Variants in WDFY3 observed in about 807,000 individuals in gnomAD.
WDFY3 encodes the protein WD repeat and FYVE domain-containing protein 3.
A neutral mutation model predicts 409.6 loss-of-function variants in WDFY3; 66 were observed. The observed-to-expected ratio is 0.16, with a 90% CI of 0.13 to 0.20. WDFY3 has a LOEUF of 0.20. Ranked by LOEUF, WDFY3 falls within the 10% of genes least tolerant of loss-of-function variation. The pLI is 1.00. For missense variants in WDFY3, 3,031 were observed against 4,298.1 expected (o/e 0.71, Z 8.24); for synonymous variants, 1,521 against 1,537.1 (o/e 0.99, Z 0.25).
Position 84,778,673 on chromosome 4 carries a change from C to A in WDFY3, c.4366-18G>T. 6.3e-7 allele frequency: 1 copy of A among 1,598,094 alleles called. No homozygotes were observed. The highest frequency in any genetic ancestry group is 1.1e-5 in the South Asian group (1 of 87,898). On this transcript the variant is annotated intron_variant, in intron 26 of 67. Transcript: ENST00000295888. The stretch of plus-strand genomic sequence containing the variant: ...GCCAGCAACTACAAGAAAGTAATAC[C>A]AAATGCCTGTTGATAAATCATCATA...
intron 65 of WDFY3, 67 bp from the exon 66 acceptor site, chr4:84,678,346 T>C: frequency 8.4e-7 from 1 of 1,192,048 alleles, no homozygotes; most frequent in South Asian, 1.2e-5. Context: ...GGAGAACTAC[T>C]CTAAGATGGT....
chr4:84,724,851 G>A (rs1251325574), intron 45 of WDFY3, among the ~76,000 whole-genome samples: 4 of 152,112 alleles, frequency 2.6e-5, no homozygotes, highest in Non-Finnish European at 5.9e-5. Flanking sequence ...GCCAAAAAAT[G>A]TTTCTGTGTT....
Position 84,766,358 on chromosome 4 carries a change from A to G in WDFY3, c.4864T>C (p.Phe1622Leu). The stretch of plus-strand genomic sequence containing the variant: ...AGATTAGCTGATACAAGACCTCCAA[A>G]CTCCTCTTCAGTTCCTAAAATAAAA... ...EKLDTGTEEE[F>L]GGLVSANLIL... Residue 1622 changes from phenylalanine (F) to leucine (L), a missense_variant, in exon 31 of 68, where the codon TTT (phenylalanine) becomes CTT (leucine). This residue lies in a region of WDFY3 where 342 missense variants were observed against 463.7 expected (regional missense o/e 0.74). Coordinates refer to ENST00000295888, the MANE Select transcript of WDFY3 (RefSeq NM_014991.6). 1.3e-6 allele frequency: 2 copies of G among 1,591,292 alleles called. No individual in the cohort carries two copies. Among genetic ancestry groups the G allele is most frequent in the Admixed American group, 1.9e-5 (1 of 52,754 alleles).
rs974464351 is a variant in WDFY3 at position 84,672,687 on chromosome 4, G to A, written c.*181C>T. On this transcript the variant is annotated 3_prime_UTR_variant, in exon 68 of 68. Coordinates refer to ENST00000295888, the MANE Select transcript of WDFY3 (RefSeq NM_014991.6). ...TTCTTGTGCTGTTCACCTGAATCGCGTCTGCCCCATTCCTGTACTCTACAC... is the reference window on the plus strand; with the variant it reads ...TTCTTGTGCTGTTCACCTGAATCGCATCTGCCCCATTCCTGTACTCTACAC... 2.2e-5 allele frequency: 17 copies of A among 762,442 alleles called. No homozygotes were observed. The highest frequency in any genetic ancestry group is 1.1e-4 in the African/African-American group (6 of 56,916). The allele number at this position is 762,442 out of a possible 1,614,324, so 47.2% of individuals were successfully genotyped here.
intron 54 of WDFY3, among the ~76,000 whole-genome samples, chr4:84,704,754 A>G (rs952798025): frequency 6.6e-6 from 1 of 152,176 alleles, no homozygotes; most frequent in South Asian, 2.1e-4. Context: ...AAAGCAGGAT[A>G]TTGACTTATA....
intron 67 of WDFY3, among the ~76,000 whole-genome samples, chr4:84,674,050 C>T (rs922303311): frequency 6.6e-5 from 10 of 152,328 alleles, no homozygotes; most frequent in Non-Finnish European, 8.8e-5. Flanking sequence ...GTCAACAGCT[C>T]TCAGCCATAG....
In WDFY3 at chr4:84,761,621, T is replaced by G. The variant is rs374314469; in HGVS notation, c.5188+4189A>C. On this transcript the variant is annotated intron_variant, in intron 32 of 67. Coordinates refer to ENST00000295888, the MANE Select transcript of WDFY3 (RefSeq NM_014991.6). ...GCCAAAATTGACAAATGGGATCTAA[T>G]TAAACTAAAGAGCTTCTGCACAGCA... Among the ~76,000 whole-genome samples, 35 of 152,238 alleles carry G rather than the reference T, an allele frequency of 2.3e-4. No homozygotes were observed. The East Asian group carries it at 3.1e-3, about 13-fold the overall frequency.
intron 2 of WDFY3, among the ~76,000 whole-genome samples, chr4:84,898,323 C>T (rs1369423050): frequency 2.0e-5 from 3 of 152,118 alleles, no homozygotes; most frequent in Non-Finnish European, 4.4e-5. Flanking sequence ...AGAGAGATGA[C>T]CTATGACTTT....
chr4:84,694,922 T>A (rs1389756215), intron 58 of WDFY3, among the ~76,000 whole-genome samples: 1 of 152,140 alleles, frequency 6.6e-6, no homozygotes, highest in Non-Finnish European at 1.5e-5. Context: ...GATGAGCCAT[T>A]GTTTTGTGTG....
At position 84,964,730 on chromosome 4, in the gene WDFY3, C is replaced by T. The variant is rs1775410879; in HGVS notation, c.-226+1479G>A. On this transcript the variant is annotated intron_variant, in intron 1 of 67. Transcript: ENST00000295888. ...CAAAAATTGTTTTCTCTTTGTTGCCCAGGCTGGTCTCTAACTCCTGGCCTC... is the reference window on the plus strand; with the variant it reads ...CAAAAATTGTTTTCTCTTTGTTGCCTAGGCTGGTCTCTAACTCCTGGCCTC... 3.3e-5 allele frequency among the ~76,000 whole-genome samples: 5 copies of T among 151,750 alleles called. No individual in the cohort carries two copies. In the South Asian group the frequency reaches 1.0e-3, roughly 32 times the overall value.
At chr4:84,717,105 G>A (rs1206868527) in intron 48 of WDFY3, 89 bp from the exon 49 acceptor site, 1 of 1,357,984 alleles carries the variant, frequency 7.4e-7, no homozygotes, top group African/African-American at 1.5e-5. Context: ...TTAAACACAT[G>A]AACAGGATGG....
intron 11 of WDFY3, 148 bp from the exon 12 acceptor site, chr4:84,820,334 G>A: frequency 1.9e-6 from 1 of 523,582 alleles, no homozygotes; most frequent in South Asian, 5.0e-5. Flanking sequence ...AACGATGCAT[G>A]CATCCAACAT....
In WDFY3 at chr4:84,934,874, T is replaced by C. The variant is rs574583911; in HGVS notation, c.-225-2511A>G. Among the ~76,000 whole-genome samples, 5 of 152,226 alleles carry C rather than the reference T, an allele frequency of 3.3e-5. No homozygotes were observed. The South Asian group carries it at 1.0e-3, about 32-fold the overall frequency. The stretch of plus-strand genomic sequence containing the variant: ...TATTTTGTATTTATCATTACTTTGC[T>C]TTTTAAACAGTATATCACATAGGTA... On this transcript the variant is annotated intron_variant, in intron 1 of 67. Coordinates refer to ENST00000295888, the MANE Select transcript of WDFY3 (RefSeq NM_014991.6).
At chr4:84,844,404 C>A in intron 5 of WDFY3, 1 of 1,275,588 alleles carries the variant, frequency 7.8e-7, no homozygotes, top group Non-Finnish European at 1.0e-6. Context: ...TCACAGCTTC[C>A]ATGCTTCTTT....
chr4:84,734,568 T>A (rs1241554813), intron 43 of WDFY3, among the ~76,000 whole-genome samples: 1 of 152,194 alleles, frequency 6.6e-6, no homozygotes, highest in Admixed American at 6.5e-5. Flanking sequence ...ACCAAGAGAA[T>A]TTCAATAAAT....
chr4:84,809,400 A>T (rs1752093729), intron 14 of WDFY3: 1 of 153,524 alleles, frequency 6.5e-6, no homozygotes, highest in Admixed American at 6.5e-5. Context: ...GTAAATATTG[A>T]GTCTGATGGC....
At chr4:84,704,554 A>T in intron 54 of WDFY3, 110 bp from the exon 55 acceptor site, 1 of 734,910 alleles carries the variant, frequency 1.4e-6, no homozygotes, top group Non-Finnish European at 2.1e-6. Context: ...CTGTAACACT[A>T]AATGCAATTA....
chr4:84,828,938 T>C (rs1406137793), intron 9 of WDFY3, 66 bp downstream of exon 9: 16 of 1,443,288 alleles, frequency 1.1e-5, no homozygotes, highest in East Asian at 2.4e-5. Context: ...CCAAATCACA[T>C]TGTTTTCTTT....
intron 1 of WDFY3, among the ~76,000 whole-genome samples, chr4:84,935,541 C>T (rs1771303500): frequency 6.6e-6 from 1 of 151,982 alleles, no homozygotes; most frequent in Non-Finnish European, 1.5e-5. Context: ...ACCCATTTTC[C>T]TCCTGACTTA....
Sources: allele counts gnomAD v4.1 joint callset (sites outside exome capture counted in the v4.1 genomes callset), GRCh38; gene constraint gnomAD v4.1.1; regional missense constraint gnomAD v4.1.1; transcripts MANE v1.5; gene names NCBI Gene and HGNC (gene_info 2026-07-23, HGNC 2026-07-21).